The following ADORA2B variants were observed in gnomAD, a reference collection of about 807,000 sequenced individuals.
The protein encoded by ADORA2B is adenosine receptor A2b.
In ADORA2B, 18 loss-of-function variants were observed where a neutral mutation model predicts 20.8. The ratio of observed to expected loss-of-function variants is 0.87; its 90% confidence interval spans 0.60 to 1.29. The LOEUF (loss-of-function observed/expected upper bound fraction) is 1.29. Ranked by LOEUF, ADORA2B falls within the 50% of genes most tolerant of loss-of-function variation. ADORA2B has a pLI of 0.00. For synonymous variants in ADORA2B, 179 were observed against 178.3 expected (o/e 1.00, Z -0.03); for missense variants, 441 against 422.7 (o/e 1.04, Z -0.38).
At chr17:15,863,173 T>C in the ADORA2B span, among the ~76,000 whole-genome samples, 1 of 152,144 alleles carries the variant, frequency 6.6e-6, no homozygotes, top group Non-Finnish European at 1.5e-5. Flanking sequence ...ATACCAGAAA[T>C]GCATACAGGA....
At chr17:15,965,384 G>A (rs1970103079) in intron 1 of ADORA2B, among the ~76,000 whole-genome samples, 1 of 152,162 alleles carries the variant, frequency 6.6e-6, no homozygotes, top group Admixed American at 6.5e-5. Flanking sequence ...TCTGTTCCAT[G>A]GAGGAGCTCA....
the ADORA2B span, among the ~76,000 whole-genome samples, chr17:15,928,082 A>G: frequency 0.01 from 1,595 of 152,264 alleles, 15 homozygotes; most frequent in Middle Eastern, 0.037. Flanking sequence ...TGCTGGGATT[A>G]TAGGCGTGAG....
At chr17:15,930,305 T>C in the ADORA2B span, among the ~76,000 whole-genome samples, 1 of 151,718 alleles carries the variant, frequency 6.6e-6, no homozygotes, top group Non-Finnish European at 1.5e-5. Context: ...TTTTTTTCTT[T>C]TTTAATTTTG....
In ADORA2B at chr17:15,963,018, T is replaced by C. The variant is rs191487667; in HGVS notation, c.336-11661T>C. Among the ~76,000 whole-genome samples, 417 of 152,340 alleles carry C rather than the reference T, an allele frequency of 2.7e-3. 3 individuals carry two copies. The highest frequency in any genetic ancestry group is 9.4e-3 in the African/African-American group (392 of 41,568). On this transcript the variant is annotated intron_variant, in intron 1 of 1. Coordinates refer to ENST00000304222, the MANE Select transcript of ADORA2B (RefSeq NM_000676.4). ...TGGTTCCTTTTAGTGGAGAATTATA[T>C]ATAAAAACCAAGATTTGGGTAGATT...
the ADORA2B span, among the ~76,000 whole-genome samples, chr17:15,877,764 A>T: frequency 6.6e-6 from 1 of 152,060 alleles, no homozygotes. Context: ...TCTCTAACCC[A>T]GTCCTCCTGT....
chr17:15,880,881 T>C, the ADORA2B span, among the ~76,000 whole-genome samples: 3 of 152,246 alleles, frequency 2.0e-5, no homozygotes, highest in Non-Finnish European at 4.4e-5. Flanking sequence ...TTCATCCTAA[T>C]TGGGCAAGAT....
the ADORA2B span, chr17:15,858,748 T>G: frequency 6.2e-6 from 1 of 160,118 alleles, no homozygotes; most frequent in Non-Finnish European, 1.4e-5. Flanking sequence ...GGCATCTGGC[T>G]TAGAGCAGTG....
the ADORA2B span, among the ~76,000 whole-genome samples, chr17:15,916,152 C>T: frequency 4.6e-5 from 7 of 152,138 alleles, no homozygotes. Flanking sequence ...CTCTTGCAGC[C>T]CAGAGCTGTC....
At chr17:15,873,823 A>G in the ADORA2B span, among the ~76,000 whole-genome samples, 1 of 152,162 alleles carries the variant, frequency 6.6e-6, no homozygotes, top group East Asian at 1.9e-4. Context: ...ACCTCTTTGG[A>G]AAATAGTATG....
chr17:15,923,291 C>G, the ADORA2B span, among the ~76,000 whole-genome samples: 5,575 of 147,736 alleles, frequency 0.038, 381 homozygotes, highest in African/African-American at 0.13. Flanking sequence ...CTCAGGTGAT[C>G]CACCCACCTC....
the ADORA2B span, among the ~76,000 whole-genome samples, chr17:15,876,614 G>A: frequency 6.6e-6 from 1 of 151,238 alleles, no homozygotes; most frequent in Non-Finnish European, 1.5e-5. Context: ...TTTTTCTCCT[G>A]TTTTTCTGTC....
chr17:15,860,497 A>G, the ADORA2B span, among the ~76,000 whole-genome samples: 1 of 152,074 alleles, frequency 6.6e-6, no homozygotes, highest in Non-Finnish European at 1.5e-5. Context: ...ATGTCTGTCA[A>G]TTAAAACATT....
intron 1 of ADORA2B, among the ~76,000 whole-genome samples, chr17:15,946,787 C>G (rs1969812469): frequency 6.6e-6 from 1 of 152,152 alleles, no homozygotes; most frequent in African/African-American, 2.4e-5. Context: ...TCACAGCTGG[C>G]ACCGTGTCCC....
the ADORA2B span, among the ~76,000 whole-genome samples, chr17:15,892,266 T>A: frequency 5.9e-5 from 9 of 151,804 alleles, no homozygotes; most frequent in African/African-American, 2.2e-4. Context: ...CCTCCCAGGG[T>A]CAAGCGATTC....
chr17:15,923,197 C>CTTTCTTTTTTTTTTTTT, the ADORA2B span, among the ~76,000 whole-genome samples: 1 of 90,332 alleles, frequency 1.1e-5, no homozygotes, highest in African/African-American at 5.4e-5. Context: ...TAATTTCTTT[C>CTTTCTTTTTTTTTTTTT]TTTTTTTAAT....
At chr17:15,953,008 G>A (rs969242631) in intron 1 of ADORA2B, among the ~76,000 whole-genome samples, 15 of 152,240 alleles carry the variant, frequency 9.9e-5, no homozygotes, top group African/African-American at 1.7e-4. Context: ...TCCCAGGCAC[G>A]GGCGGGCAGG....
chr17:15,865,862 G>C, the ADORA2B span, among the ~76,000 whole-genome samples: 1 of 149,732 alleles, frequency 6.7e-6, no homozygotes, highest in Non-Finnish European at 1.5e-5. Flanking sequence ...GGAGCGGAAA[G>C]TTTAATAGGC....
At position 15,945,525 on chromosome 17, in the gene ADORA2B, A is replaced by G. The variant is rs1421358998; in HGVS notation, c.277A>G (p.Ile93Val). 2.7e-5 allele frequency: 43 copies of G among 1,605,112 alleles called. No individual in the cohort carries two copies. The highest frequency in any genetic ancestry group is 3.6e-5 in the Non-Finnish European group (42 of 1,176,978). Residue 93 changes from isoleucine to valine, a missense_variant, in exon 1 of 2, where the codon ATC (isoleucine) becomes GTC (valine). Coordinates refer to ENST00000304222, the MANE Select transcript of ADORA2B (RefSeq NM_000676.4). ...CGTGCTGGTGCTCACGCAGAGCTCC[A>G]TCTTCAGCCTTCTGGCCGTGGCAGT... ...CFVLVLTQSSIFSLLAVAVDR... is the reference protein window; with the variant it reads ...CFVLVLTQSSVFSLLAVAVDR...
At chr17:15,865,228 T>G in the ADORA2B span, among the ~76,000 whole-genome samples, 2 of 152,248 alleles carry the variant, frequency 1.3e-5, no homozygotes, top group Non-Finnish European at 2.9e-5. Context: ...TACACAAAGA[T>G]AAAAATGCAC....
Sources: allele counts gnomAD v4.1 joint callset (sites outside exome capture counted in the v4.1 genomes callset), GRCh38; gene constraint gnomAD v4.1.1; transcripts MANE v1.5; gene names NCBI Gene and HGNC (gene_info 2026-07-23, HGNC 2026-07-21).